Variants in RBMS3 observed in about 807,000 individuals in gnomAD.
RBMS3 encodes RNA binding motif single stranded interacting protein 3, also known as RNA-binding motif, single-stranded-interacting protein 3.
A neutral mutation model predicts 66.8 loss-of-function variants in RBMS3; 27 were observed. The ratio of observed to expected loss-of-function variants is 0.40; its 90% CI spans 0.30 to 0.56. RBMS3 has a LOEUF of 0.56. Among genes scored for constraint, RBMS3 ranks in the 20% least tolerant of loss-of-function variants. The probability of loss-of-function intolerance (pLI) is 0.40; values close to 1 mark genes in which losing one functional copy is unlikely to be tolerated. For missense variants in RBMS3, 513 were observed against 549.5 expected, an observed-to-expected ratio of 0.93 and a Z score of 0.66; for synonymous variants, 188 against 183.0, an observed-to-expected ratio of 1.03 and a Z score of -0.22.
chr3:29,631,737 A>G (rs185206800), intron 4 of RBMS3, among the ~76,000 whole-genome samples: 94 of 151,872 alleles, frequency 6.2e-4, no homozygotes, highest in African/African-American at 2.1e-3. Flanking sequence ...GTAAATCACT[A>G]TTTGTCTATC....
At chr3:30,003,521 T>C (rs1206227160) in intron 14 of RBMS3, among the ~76,000 whole-genome samples, 1 of 151,996 alleles carries the variant, frequency 6.6e-6, no homozygotes, top group Non-Finnish European at 1.5e-5. Flanking sequence ...TTTGGGTGCA[T>C]AGTAAAGAAT....
chr3:29,879,622 G>A (rs1285788001), intron 7 of RBMS3, among the ~76,000 whole-genome samples: 1 of 152,000 alleles, frequency 6.6e-6, no homozygotes, highest in South Asian at 2.1e-4. Flanking sequence ...TTATTTGTTT[G>A]TAATTTACCC....
chr3:29,910,986 C>T (rs2060500312), intron 10 of RBMS3, among the ~76,000 whole-genome samples: 1 of 151,962 alleles, frequency 6.6e-6, no homozygotes, highest in Non-Finnish European at 1.5e-5. Context: ...CAATTGGTTT[C>T]CCTCCCAATA....
At chr3:29,930,109 C>CTTTCTTTCTTTCTTTTTTTTTTTTTTTT (rs71091082) in intron 10 of RBMS3, among the ~76,000 whole-genome samples, 12 of 43,568 alleles carry the variant, frequency 2.8e-4, no homozygotes, top group Non-Finnish European at 3.6e-4. Flanking sequence ...TTCTTTCTTT[C>CTTTCTTTCTTTCTTTTTTTTTTTTTTTT]TTTTTTTTTT....
chr3:29,909,126 G>T (rs947903182), intron 10 of RBMS3, among the ~76,000 whole-genome samples: 8 of 152,106 alleles, frequency 5.3e-5, no homozygotes, highest in African/African-American at 1.9e-4. Context: ...CCTGCCTTAA[G>T]TGAAATGTTT....
intron 12 of RBMS3, among the ~76,000 whole-genome samples, chr3:29,952,047 G>A (rs1336449947): frequency 6.6e-6 from 1 of 151,666 alleles, no homozygotes; most frequent in Non-Finnish European, 1.5e-5. Flanking sequence ...CTTTGAAATG[G>A]CAACAGTTTT....
intron 2 of RBMS3, among the ~76,000 whole-genome samples, chr3:29,483,970 G>C (rs1356299564): frequency 6.6e-6 from 1 of 152,140 alleles, no homozygotes; most frequent in Non-Finnish European, 1.5e-5. Flanking sequence ...TTATCTCTCC[G>C]GGGAAAGAAA....
Position 29,281,632 on chromosome 3 carries a change from C to G in RBMS3, c.-50C>G. On this transcript the variant is annotated 5_prime_UTR_variant, in exon 1 of 15. Coordinates refer to ENST00000383767, the MANE Select transcript of RBMS3 (RefSeq NM_001003793.3). ...TTAAGAGGAAGCTCGGCCTGGGGCA[C>G]TATACCCTGTCATCCAGTTCCCTGC... is the stretch of plus-strand genomic sequence containing the variant. 2 of 1,511,902 alleles carry G rather than the reference C, an allele frequency of 1.3e-6. No homozygotes were observed. The highest frequency in any genetic ancestry group is 4.5e-5 in the East Asian group (2 of 44,168). 93.7% of individuals were successfully genotyped at this position (1,511,902 alleles called of 1,614,324 possible).
intron 7 of RBMS3, among the ~76,000 whole-genome samples, chr3:29,883,152 C>G (rs964618424): frequency 6.6e-6 from 1 of 152,056 alleles, no homozygotes; most frequent in Non-Finnish European, 1.5e-5. Flanking sequence ...TGCTGACAGT[C>G]CTGGTAAACA....
intron 6 of RBMS3, among the ~76,000 whole-genome samples, chr3:29,784,280 T>G (rs191633126): frequency 6.6e-6 from 1 of 152,004 alleles, no homozygotes; most frequent in African/African-American, 2.4e-5. Context: ...TTCTCCAAGA[T>G]AGACCACAAA....
chr3:29,641,072 T>A (rs747833111), intron 4 of RBMS3: 2 of 151,970 alleles, frequency 1.3e-5, no homozygotes, highest in Non-Finnish European at 2.9e-5. Context: ...AGGAAAGACA[T>A]AAAAATCCTC....
chr3:29,654,586 T>G (rs1347163115), intron 4 of RBMS3, among the ~76,000 whole-genome samples: 2 of 149,860 alleles, frequency 1.3e-5, no homozygotes, highest in Non-Finnish European at 3.0e-5. Flanking sequence ...TGGGCATGTA[T>G]TTGACTTTTA....
chr3:29,418,664 T>G (rs573097303), intron 1 of RBMS3, among the ~76,000 whole-genome samples: 2 of 152,246 alleles, frequency 1.3e-5, no homozygotes, highest in African/African-American at 4.8e-5. Context: ...TTGAGAATCT[T>G]TGCTTTCCTC....
chr3:29,945,390 T>C (rs1023037780), intron 12 of RBMS3, among the ~76,000 whole-genome samples: 2 of 151,716 alleles, frequency 1.3e-5, no homozygotes, highest in African/African-American at 2.4e-5. Context: ...CAATTAATAA[T>C]GTCCCATTGA....
At chr3:29,837,548 G>A (rs767251734) in intron 6 of RBMS3, among the ~76,000 whole-genome samples, 29 of 150,346 alleles carry the variant, frequency 1.9e-4, no homozygotes, top group African/African-American at 5.4e-4. Flanking sequence ...CCCCCTCCCC[G>A]TCTGTATTGA....
intron 1 of RBMS3, among the ~76,000 whole-genome samples, chr3:29,361,757 T>C (rs2037604697): frequency 2.0e-5 from 3 of 152,224 alleles, no homozygotes; most frequent in Admixed American, 2.0e-4. Context: ...CTTTTTATTC[T>C]TTTTTCTCTA....
chr3:29,725,976 C>A (rs994980729), intron 4 of RBMS3, among the ~76,000 whole-genome samples: 7 of 152,078 alleles, frequency 4.6e-5, no homozygotes, highest in African/African-American at 1.7e-4. Context: ...ACTTGCAAAC[C>A]GAATCTGGCA....
intron 4 of RBMS3, among the ~76,000 whole-genome samples, chr3:29,629,035 T>C (rs1347962782): frequency 6.6e-6 from 1 of 152,152 alleles, no homozygotes; most frequent in Non-Finnish European, 1.5e-5. Context: ...TCTTGATGTT[T>C]TGAAGTGCAT....
At position 29,864,937 on chromosome 3, in the gene RBMS3, A is replaced by G. The variant is rs368228071; in HGVS notation, c.638-3921A>G. Among the ~76,000 whole-genome samples, 147 of 109,028 alleles carry G rather than the reference A, an allele frequency of 1.3e-3. 1 individual carries two copies. The South Asian group carries it at 0.053, about 39-fold the overall frequency. 71.5% of individuals were successfully genotyped at this position (109,028 alleles called of 152,430 possible). On this transcript the variant is annotated intron_variant, in intron 6 of 14. Coordinates refer to ENST00000383767, the MANE Select transcript of RBMS3 (RefSeq NM_001003793.3). ...GAGAGAGGAAGGAAGGAAGAGAGAG[A>G]GAGGAAGGAGGGAAGGAAGGAAGAA... is the stretch of plus-strand genomic sequence containing the variant.
Sources: allele counts gnomAD v4.1 joint callset (sites outside exome capture counted in the v4.1 genomes callset), GRCh38; gene constraint gnomAD v4.1.1; transcripts MANE v1.5; gene names NCBI Gene and HGNC (gene_info 2026-07-23, HGNC 2026-07-21).